The following WRN variants were observed in gnomAD, a reference collection of about 807,000 sequenced individuals.
The protein encoded by WRN is WRN RecQ like helicase.
Under a neutral mutation model 180.7 loss-of-function variants are expected in WRN, and 149 were observed. The ratio of observed to expected loss-of-function variants is 0.82; its 90% CI spans 0.72 to 0.94. The LOEUF (loss-of-function observed/expected upper bound fraction) is 0.94. WRN is among the 40% of genes least tolerant of loss of function. The probability of loss-of-function intolerance (pLI) is 0.00; values close to 1 mark genes in which losing one functional copy is unlikely to be tolerated. For synonymous variants in WRN, 548 were observed against 568.9 expected, an observed-to-expected ratio of 0.96 and a Z score of 0.52; for missense variants, 1,661 against 1,700.1, an observed-to-expected ratio of 0.98 and a Z score of 0.40.
chr8:31,167,305 T>G, intron 34 of WRN, 75 bp downstream of exon 34: 1 of 1,285,262 alleles, frequency 7.8e-7, no homozygotes, highest in Admixed American at 2.0e-5. Context: ...GAATGCTGTA[T>G]TTTTTTGAAC....
At chr8:31,068,395 T>C (rs1254775377) in intron 7 of WRN, 68 bp downstream of exon 7, 2 of 1,301,188 alleles carry the variant, frequency 1.5e-6, no homozygotes, top group Non-Finnish European at 2.2e-6. Flanking sequence ...AAAAAGGCAA[T>C]ATTCACATAT....
chr8:31,040,150 G>T (rs1338713285), intron 1 of WRN, among the ~76,000 whole-genome samples: 1 of 152,158 alleles, frequency 6.6e-6, no homozygotes, highest in African/African-American at 2.4e-5. Context: ...AAGGCTTTTG[G>T]CATGAGCAAC....
chr8:31,141,863 C>G, intron 26 of WRN, 88 bp downstream of exon 26: 1 of 1,273,482 alleles, frequency 7.9e-7, no homozygotes, highest in Non-Finnish European at 1.1e-6. Flanking sequence ...AGGCCTCTCA[C>G]AAGTAAAATG....
chr8:31,107,905 A>T (rs1238830229), intron 18 of WRN, among the ~76,000 whole-genome samples: 2 of 152,224 alleles, frequency 1.3e-5, no homozygotes, highest in African/African-American at 2.4e-5. Flanking sequence ...CTTTCTCCCC[A>T]GTATCTATTA....
intron 1 of WRN, among the ~76,000 whole-genome samples, chr8:31,047,582 G>C (rs888817455): frequency 3.3e-5 from 5 of 152,108 alleles, no homozygotes; most frequent in Admixed American, 1.3e-4. Flanking sequence ...AAATTTATCA[G>C]TACTGTATTA....
intron 3 of WRN, among the ~76,000 whole-genome samples, chr8:31,062,549 A>G (rs1242495280): frequency 6.6e-6 from 1 of 151,392 alleles, no homozygotes; most frequent in Admixed American, 6.6e-5. Context: ...CTGGGACTAC[A>G]GGCATGCACC....
intron 5 of WRN, among the ~76,000 whole-genome samples, chr8:31,066,160 G>A (rs778690699): frequency 6.6e-6 from 1 of 150,642 alleles, no homozygotes; most frequent in Non-Finnish European, 1.5e-5. Flanking sequence ...TTGCAGGCGT[G>A]AGCCACCGCA....
At chr8:31,116,972 G>T (rs1288503610) in intron 20 of WRN, among the ~76,000 whole-genome samples, 1 of 152,066 alleles carries the variant, frequency 6.6e-6, no homozygotes, top group Non-Finnish European at 1.5e-5. Flanking sequence ...AGACAATGTG[G>T]GGTAGGAATG....
At chr8:31,098,082 A>G (rs1276640066) in intron 17 of WRN, among the ~76,000 whole-genome samples, 1 of 152,228 alleles carries the variant, frequency 6.6e-6, no homozygotes, top group Non-Finnish European at 1.5e-5. Context: ...AAAACCAACA[A>G]AAGAATGAGG....
intron 33 of WRN, among the ~76,000 whole-genome samples, chr8:31,163,854 C>CT (rs34612730): frequency 1.9e-3 from 263 of 141,858 alleles, no homozygotes; most frequent in East Asian, 2.7e-3. Flanking sequence ...ACCATGAGCT[C>CT]TTTTTTTTTT....
chr8:31,092,425 TAC>T (rs1188423278), intron 16 of WRN, among the ~76,000 whole-genome samples: 3 of 140,176 alleles, frequency 2.1e-5, no homozygotes, highest in Non-Finnish European at 3.2e-5. Flanking sequence ...CAGATACACA[TAC>T]ACACACCCAT....
intron 19 of WRN, among the ~76,000 whole-genome samples, chr8:31,113,674 C>G (rs1233739891): frequency 1.3e-5 from 2 of 152,102 alleles, no homozygotes; most frequent in Admixed American, 1.3e-4. Flanking sequence ...AAGCAGTTTG[C>G]CTTTTTTGTG....
chr8:31,125,064 A>T, intron 23 of WRN, 64 bp downstream of exon 23: 1 of 1,493,670 alleles, frequency 6.7e-7, no homozygotes, highest in Non-Finnish European at 9.3e-7. Flanking sequence ...TTTCATGTTT[A>T]ACTGAATTTT....
chr8:31,097,643 G>A (rs905368043), intron 17 of WRN, among the ~76,000 whole-genome samples: 2 of 152,236 alleles, frequency 1.3e-5, no homozygotes, highest in Admixed American at 1.3e-4. Flanking sequence ...GCCGAGCCTG[G>A]TGGTGCATGC....
rs78950394 is a variant in WRN, at chr8:31,081,460, T to C, written c.1269+164T>C. Among the ~76,000 whole-genome samples, 11 of 152,216 alleles carry C rather than the reference T, an allele frequency of 7.2e-5. No individual in the cohort carries two copies. In the East Asian group the frequency reaches 2.1e-3, roughly 29 times the overall value. ...TAGTGTGAAAGCAGCCACAGACAAA[T>C]GTAAACAAATGTGCCTGTCTTTCAA... On this transcript the variant is annotated intron_variant, in intron 9 of 34. Coordinates refer to ENST00000298139, the MANE Select transcript of WRN (RefSeq NM_000553.6).
chr8:31,093,775 CG>C (rs1442603844), intron 16 of WRN, among the ~76,000 whole-genome samples: 2 of 152,112 alleles, frequency 1.3e-5, no homozygotes, highest in Non-Finnish European at 2.9e-5. Context: ...CCCCAGTCAC[CG>C]GGTAACTGCT....
chr8:31,173,260 G>T lies in WRN; in HGVS notation c.*158G>T. Reference sequence around the variant, plus strand: ...AACTGGCATCTTAAATCAGCCTTCCGCAATTCATGTAGTTTCTGGGTCTTC... The same window carrying T: ...AACTGGCATCTTAAATCAGCCTTCCTCAATTCATGTAGTTTCTGGGTCTTC... On this transcript the variant is annotated 3_prime_UTR_variant, in exon 35 of 35. Transcript: ENST00000298139. 1.4e-6 allele frequency: 1 copy of T among 729,118 alleles called. No homozygotes were observed. The highest frequency in any genetic ancestry group is 2.3e-6 in the Non-Finnish European group (1 of 430,492). The allele number at this position is 729,118 out of a possible 1,614,324, so 45.2% of individuals were successfully genotyped here.
chr8:31,109,778 A>G (rs73228702), intron 18 of WRN, among the ~76,000 whole-genome samples: 7,030 of 152,254 alleles, frequency 0.046, 213 homozygotes, highest in South Asian at 0.087. Context: ...GAGTTAAATA[A>G]AGAGCTCAAA....
At chr8:31,074,553 A>G (rs1394506723) in intron 7 of WRN, among the ~76,000 whole-genome samples, 3 of 152,228 alleles carry the variant, frequency 2.0e-5, no homozygotes, top group Non-Finnish European at 4.4e-5. Flanking sequence ...TGGGAAATGT[A>G]GAAGAATTAA....
Sources: gnomAD v4.1 joint callset for allele counts (sites outside exome capture counted in the v4.1 genomes callset) on GRCh38, gnomAD v4.1.1 for gene constraint, MANE v1.5 for transcripts, NCBI Gene and HGNC (gene_info 2026-07-23, HGNC 2026-07-21) for gene names.